Variants in BMERB1 observed in about 807,000 individuals in gnomAD.
BMERB1 encodes bMERB domain containing 1, also known as bMERB domain-containing protein 1.
Under a neutral mutation model 23.6 loss-of-function variants are expected in BMERB1, and 12 were observed. The ratio of observed to expected loss-of-function variants is 0.51; its 90% CI spans 0.33 to 0.82. The LOEUF (loss-of-function observed/expected upper bound fraction) is 0.82, where lower values mean the gene tolerates loss of function less well. BMERB1 is among the 40% of genes least tolerant of loss of function. The pLI is 0.03. For missense variants in BMERB1, 247 were observed against 255.4 expected (o/e 0.97, Z 0.22); for synonymous variants, 122 against 96.6 (o/e 1.26, Z -1.54).
At chr16:15,561,403 G>A (rs537668396) in intron 2 of BMERB1, among the ~76,000 whole-genome samples, 1 of 151,080 alleles carries the variant, frequency 6.6e-6, no homozygotes, top group East Asian at 2.0e-4. Flanking sequence ...TGAGAACTGG[G>A]GATTACAGGC....
At chr16:15,459,375 A>G (rs1268194108) in intron 1 of BMERB1, among the ~76,000 whole-genome samples, 9 of 152,016 alleles carry the variant, frequency 5.9e-5, no homozygotes, top group African/African-American at 1.9e-4. Flanking sequence ...CCAACTATGT[A>G]TTGTCTATAA....
chr16:15,507,174 C>G (rs2150946321), intron 1 of BMERB1, among the ~76,000 whole-genome samples: 1 of 152,326 alleles, frequency 6.6e-6, no homozygotes, highest in East Asian at 1.9e-4. Context: ...AGGTATCTCT[C>G]TGGTCCCCAG....
At chr16:15,534,197 C>T (rs1297616363) in intron 2 of BMERB1, among the ~76,000 whole-genome samples, 6 of 149,014 alleles carry the variant, frequency 4.0e-5, no homozygotes, top group Admixed American at 2.0e-4. Context: ...TGACAATCGT[C>T]TCCTGGCTCA....
intron 1 of BMERB1, among the ~76,000 whole-genome samples, chr16:15,444,387 G>A (rs769793199): frequency 1.3e-5 from 2 of 151,914 alleles, no homozygotes; most frequent in African/African-American, 2.4e-5. Flanking sequence ...CCACCCTTAA[G>A]AATTCCGTCC....
intron 1 of BMERB1, among the ~76,000 whole-genome samples, chr16:15,474,477 G>C (rs1367135805): frequency 6.6e-6 from 1 of 152,060 alleles, no homozygotes; most frequent in Non-Finnish European, 1.5e-5. Context: ...TGATCTGCCT[G>C]CCTCAGCCTC....
chr16:15,446,038 A>G (rs974175115), intron 1 of BMERB1, among the ~76,000 whole-genome samples: 40 of 152,178 alleles, frequency 2.6e-4, no homozygotes, highest in African/African-American at 9.7e-4. Flanking sequence ...AAATTATTTT[A>G]AAAACTTAAA....
chr16:15,516,096 T>A (rs908747609), intron 2 of BMERB1, among the ~76,000 whole-genome samples: 2 of 151,250 alleles, frequency 1.3e-5, no homozygotes, highest in African/African-American at 4.9e-5. Context: ...CCACACTCCA[T>A]CTTGGGTGAC....
chr16:15,586,611 AGGGGTTGCAGT>A (rs2031149894), intron 5 of BMERB1, 95 bp from the exon 6 acceptor site: 3 of 870,096 alleles, frequency 3.4e-6, no homozygotes, highest in South Asian at 2.8e-5. Context: ...AGACCTGGCC[AGGGGTTGCAGT>A]GGGGCTGGGC....
chr16:15,539,484 A>T (rs1423382025), intron 2 of BMERB1, among the ~76,000 whole-genome samples: 1 of 152,168 alleles, frequency 6.6e-6, no homozygotes, highest in Non-Finnish European at 1.5e-5. Context: ...TAGTTGGTCC[A>T]GTTTTTCCCA....
At chr16:15,520,865 G>A (rs1405470014) in intron 2 of BMERB1, among the ~76,000 whole-genome samples, 1 of 152,134 alleles carries the variant, frequency 6.6e-6, no homozygotes, top group Non-Finnish European at 1.5e-5. Context: ...TCTTATCTGA[G>A]TTATTTCCTC....
At chr16:15,450,248 A>G (rs1567450617) in intron 1 of BMERB1, among the ~76,000 whole-genome samples, 1 of 152,140 alleles carries the variant, frequency 6.6e-6, no homozygotes, top group African/African-American at 2.4e-5. Context: ...TGAATTTTAT[A>G]TAACTTTCCC....
intron 1 of BMERB1, among the ~76,000 whole-genome samples, chr16:15,441,550 G>C (rs1180369899): frequency 2.0e-5 from 3 of 152,064 alleles, no homozygotes; most frequent in Non-Finnish European, 4.4e-5. Flanking sequence ...GTTAATTTTT[G>C]TATTTTTAGT....
intron 2 of BMERB1, among the ~76,000 whole-genome samples, chr16:15,537,709 A>T (rs1192866294): frequency 1.3e-5 from 2 of 151,664 alleles, no homozygotes; most frequent in Admixed American, 6.6e-5. Context: ...CCCAGGCTGG[A>T]GTGCAGTGAT....
intron 1 of BMERB1, among the ~76,000 whole-genome samples, chr16:15,444,119 C>CTTTGTTT (rs2050966042): frequency 4.1e-5 from 1 of 24,458 alleles, no homozygotes; most frequent in African/African-American, 1.9e-4. Context: ...CAGGCACCAG[C>CTTTGTTT]TTTGTTTTTT....
At chr16:15,575,877 A>AAGG (rs1274073204) in intron 3 of BMERB1, among the ~76,000 whole-genome samples, 1 of 151,950 alleles carries the variant, frequency 6.6e-6, no homozygotes, top group African/African-American at 2.4e-5. Context: ...ACACACAGAA[A>AAGG]AGGAGGAGGG....
In BMERB1 at chr16:15,522,775, T is replaced by C. The variant is rs948176627; in HGVS notation, c.230+7347T>C. On this transcript the variant is annotated intron_variant, in intron 2 of 5. Coordinates refer to ENST00000300006, the MANE Select transcript of BMERB1 (RefSeq NM_033201.3). Reference sequence around the variant, plus strand: ...CGCTGCTCAAACCTCTAGGGGACCATAGAGATGGGCCAGTTGTCGGGATCT... The same window carrying C: ...CGCTGCTCAAACCTCTAGGGGACCACAGAGATGGGCCAGTTGTCGGGATCT... Among the ~76,000 whole-genome samples the C allele has an allele frequency of 2.6e-5, 4 of 152,232 alleles. 1 individual carries two copies. The highest frequency in any genetic ancestry group is 4.8e-5 in the African/African-American group (2 of 41,544).
At chr16:15,476,393 C>T (rs2051275298) in intron 1 of BMERB1, among the ~76,000 whole-genome samples, 1 of 152,170 alleles carries the variant, frequency 6.6e-6, no homozygotes, top group South Asian at 2.1e-4. Flanking sequence ...GAACTCCTTA[C>T]CTCAGGCAAT....
intron 1 of BMERB1, among the ~76,000 whole-genome samples, chr16:15,499,236 A>C (rs2150942470): frequency 6.6e-6 from 1 of 152,190 alleles, no homozygotes; most frequent in Non-Finnish European, 1.5e-5. Context: ...TGTCTCTACC[A>C]AAAATACAAA....
chr16:15,515,006 T>G (rs1318571966), intron 1 of BMERB1, among the ~76,000 whole-genome samples: 1 of 152,034 alleles, frequency 6.6e-6, no homozygotes, highest in Non-Finnish European at 1.5e-5. Context: ...GGCGTGAACC[T>G]GGGAGATGGA....
Sources: gnomAD v4.1 joint callset for allele counts (sites outside exome capture counted in the v4.1 genomes callset) on GRCh38, gnomAD v4.1.1 for gene constraint, MANE v1.5 for transcripts, NCBI Gene and HGNC (gene_info 2026-07-23, HGNC 2026-07-21) for gene names.